Variants in TRPM2 observed in about 807,000 individuals in gnomAD.
The protein encoded by TRPM2 is transient receptor potential cation channel subfamily M member 2, also known as estrogen-responsive element-associated gene 1 protein.
Under a neutral mutation model 174.0 loss-of-function variants are expected in TRPM2, and 161 were observed. That is an observed-to-expected ratio of 0.93 (90% CI 0.81 to 1.05). TRPM2 has a LOEUF of 1.05. TRPM2 is among the 50% of genes least tolerant of loss of function. The pLI, the probability that TRPM2 is intolerant of heterozygous loss-of-function variation, is 0.00. For synonymous variants in TRPM2, 954 were observed against 861.3 expected, an observed-to-expected ratio of 1.11 and a Z score of -1.88; for missense variants, 2,057 against 2,038.0, an observed-to-expected ratio of 1.01 and a Z score of -0.18.
chr21:44,398,163 G>C lies in TRPM2; in HGVS notation c.2062+287G>C, dbSNP rs1371775870. On this transcript the variant is annotated intron_variant, in intron 13 of 31. Transcript: ENST00000397928. The stretch of plus-strand genomic sequence containing the variant: ...ACAGAGCCGGCTGAATGGGAAGCTG[G>C]AGTTTCATCACCCAAATCAGTCTCC... Among the ~76,000 whole-genome samples the C allele has an allele frequency of 5.9e-5, 9 of 151,630 alleles. No individual in the cohort carries two copies. In the East Asian group the frequency reaches 1.7e-3, roughly 29 times the overall value.
At chr21:44,400,477 T>C in intron 15 of TRPM2, 106 bp downstream of exon 15, 16 of 957,616 alleles carry the variant, frequency 1.7e-5, no homozygotes, top group Non-Finnish European at 2.5e-5. Flanking sequence ...GAGCAAGTCA[T>C]GTGTCCTCAG....
rs1354737019 is a variant in TRPM2 at position 44,403,537 on chromosome 21, CACAT to C, written c.2539-1603_2539-1600del. On this transcript the variant is annotated intron_variant, in intron 16 of 31. Coordinates refer to ENST00000397928, the MANE Select transcript of TRPM2 (RefSeq NM_003307.4). ...GTACACATGCACACAAATGCACACA[CACAT>C]AGGCACACACACATACATACATGCA... Among the ~76,000 whole-genome samples the C allele has an allele frequency of 8.6e-5, 13 of 150,532 alleles. 1 individual carries two copies. The highest frequency in any genetic ancestry group is 1.5e-5 in the Non-Finnish European group (1 of 67,836).
rs34601320 is a variant in TRPM2, at chr21:44,405,916, C to A, written c.2669C>A (p.Ala890Glu). Reference sequence around the variant, plus strand: ...TGCCCGGCGGCCAGGCTCATCCCGGCGACGCTGTACCCCGGGCGCGTCATC... The same window carrying A: ...TGCCCGGCGGCCAGGCTCATCCCGGAGACGCTGTACCCCGGGCGCGTCATC... ...VAGLTCRLIPATLYPGRVILS... is the reference protein window; with the variant it reads ...VAGLTCRLIPETLYPGRVILS... Residue 890 changes from alanine to glutamate, a missense_variant, in exon 18 of 32, where the codon GCG becomes GAG. Transcript: ENST00000397928. The A allele has an allele frequency of 6.2e-7, 1 of 1,603,470 alleles. No homozygotes were observed. The highest frequency in any genetic ancestry group is 8.5e-7 in the Non-Finnish European group (1 of 1,179,460).
Position 44,406,704 on chromosome 21 carries a change from C to G in TRPM2, c.2901C>G (p.Phe967Leu). ...ACGAGCGCCGGGTGGACTGGCTGTT[C>G]CGAGGGGCCGTCTACCACTCCTACC... Reference protein sequence around the residue: ...IHNERRVDWLFRGAVYHSYLT... With the variant: ...IHNERRVDWLLRGAVYHSYLT... Residue 967 changes from phenylalanine to leucine, a missense_variant, in exon 19 of 32, where the codon TTC (phenylalanine) becomes TTG (leucine). Coordinates refer to ENST00000397928, the MANE Select transcript of TRPM2 (RefSeq NM_003307.4). 1 of 1,609,068 alleles carries G rather than the reference C, an allele frequency of 6.2e-7. No homozygotes were observed. Among genetic ancestry groups the G allele is most frequent in the Non-Finnish European group, 8.5e-7 (1 of 1,179,184 alleles).
chr21:44,425,551 C>G, intron 24 of TRPM2, 119 bp from the exon 25 acceptor site: 1 of 1,263,018 alleles, frequency 7.9e-7, no homozygotes, highest in Non-Finnish European at 1.0e-6. Flanking sequence ...CATTTGGGCT[C>G]GGGGAGGTGG....
intron 15 of TRPM2, among the ~76,000 whole-genome samples, chr21:44,400,767 C>T (rs534237539): frequency 5.8e-4 from 89 of 152,304 alleles, no homozygotes; most frequent in East Asian, 2.1e-3. Context: ...TCCTCGCAGC[C>T]GCAGAGCCTG....
Position 44,400,369 on chromosome 21 carries a change from C to G in TRPM2, c.2319C>G (p.Phe773Leu), listed in dbSNP as rs1462134559. 1 of 1,610,432 alleles carries G rather than the reference C, an allele frequency of 6.2e-7. No homozygotes were observed. Among genetic ancestry groups the G allele is most frequent in the Admixed American group, 1.7e-5 (1 of 59,866 alleles). Residue 773 changes from phenylalanine (F) to leucine (L), a missense_variant and splice_region_variant, in exon 15 of 32, where the codon TTC (phenylalanine) becomes TTG (leucine). Physicochemically the swap from Phe to Leu is conservative, Grantham distance 22 (BLOSUM62 0). Transcript: ENST00000397928. The part of the protein sequence containing the change: ...FPLLLTGLIS[F>L]REKRLQDVGT... ...TGCTCCTCACCGGCCTCATCTCCTT[C>G]AGGTGCTGCAGGGCTGCGGGGCTGC...
chr21:44,373,553 G>A (rs1255258304), intron 5 of TRPM2, among the ~76,000 whole-genome samples: 18 of 101,880 alleles, frequency 1.8e-4, no homozygotes, highest in Middle Eastern at 4.6e-3. Context: ...CATTATATGC[G>A]ACCTGCATTA....
At chr21:44,413,269 G>A (rs959930958) in intron 19 of TRPM2, among the ~76,000 whole-genome samples, 8 of 102,250 alleles carry the variant, frequency 7.8e-5, no homozygotes, top group African/African-American at 8.1e-5. Context: ...ACAGACATTT[G>A]CTCTTGTTGC....
intron 6 of TRPM2, 120 bp from the exon 7 acceptor site, chr21:44,377,592 A>G (rs904224044): frequency 7.5e-7 from 1 of 1,337,582 alleles, no homozygotes; most frequent in Non-Finnish European, 1.1e-6. Context: ...CCCTCAGTGC[A>G]GGGTCTTGCC....
At position 44,440,845 on chromosome 21, in the gene TRPM2, G is replaced by A. The variant is rs758164757; in HGVS notation, c.4326G>A (p.Thr1442=). ...ACACGGACAATGCCTGGATCGAGAC[G>A]GTGGCCGTCAGCGTCCACTTCCAGG... is the stretch of plus-strand genomic sequence containing the variant. ...PRNTDNAWIE[T]VAVSVHFQDQ... Residue 1442 remains threonine (T), a synonymous_variant, in exon 31 of 32, where the codon ACG becomes ACA. Coordinates refer to ENST00000397928, the MANE Select transcript of TRPM2 (RefSeq NM_003307.4). 35 of 1,613,840 alleles carry A rather than the reference G, an allele frequency of 2.2e-5. No individual in the cohort carries two copies. Among genetic ancestry groups the A allele is most frequent in the Middle Eastern group, 1.6e-4 (1 of 6,084 alleles).
At chr21:44,407,880 A>T (rs2049959248) in intron 19 of TRPM2, among the ~76,000 whole-genome samples, 1 of 151,590 alleles carries the variant, frequency 6.6e-6, no homozygotes, top group Admixed American at 6.6e-5. Flanking sequence ...TTTTTAAAAA[A>T]AATTAATATT....
chr21:44,419,197 G>A (rs956405413), intron 22 of TRPM2, among the ~76,000 whole-genome samples: 2 of 152,152 alleles, frequency 1.3e-5, no homozygotes, highest in Non-Finnish European at 2.9e-5. Context: ...AGAGGAGGAG[G>A]GGGAAATGGA....
Position 44,382,753 on chromosome 21 carries a change from T to G in TRPM2, c.1251T>G (p.Thr417=). 6.2e-7 allele frequency: 1 copy of G among 1,614,114 alleles called. No homozygotes were observed. Among genetic ancestry groups the G allele is most frequent in the African/African-American group, 1.3e-5 (1 of 75,048 alleles). The change falls in exon 9 of 32, where the codon ACT becomes ACG. Residue 417 remains threonine, a synonymous_variant. Transcript: ENST00000397928. ...TCGTCCGGAGGCGGCAGCTGCTGAC[T>G]GTCTTCCGGGAAGGCAAGGATGGTC... ...QDIVRRRQLL[T]VFREGKDGQQ...
chr21:44,420,018 T>C (rs2050494589), intron 22 of TRPM2, among the ~76,000 whole-genome samples: 1 of 152,040 alleles, frequency 6.6e-6, no homozygotes, highest in African/African-American at 2.4e-5. Context: ...GCAATAGTAA[T>C]GACGATGGTG....
rs1376050620 is a variant in TRPM2, at chr21:44,376,806, A to T, written c.952+793A>T. ...TTCCTTGTGCATCGAACTCCCCTGG[A>T]GGGTTCCTCACCAGCTTGTGGGCCC... On this transcript the variant is annotated intron_variant, in intron 6 of 31. Transcript: ENST00000397928. This position sits in a 1 kb window ranked among gnomAD's most constrained non-coding sequence, Gnocchi z 4.2. Among the ~76,000 whole-genome samples the T allele has an allele frequency of 6.6e-6, 1 of 152,096 alleles. No individual in the cohort carries two copies. The highest frequency in any genetic ancestry group is 1.9e-4 in the East Asian group (1 of 5,176).
intron 19 of TRPM2, among the ~76,000 whole-genome samples, chr21:44,407,004 T>A (rs2049911862): frequency 1.3e-5 from 2 of 148,986 alleles, no homozygotes; most frequent in African/African-American, 5.0e-5. Context: ...CACGCAGAGG[T>A]CAGAGTGGGC....
chr21:44,381,323 G>A (rs1254830699), intron 8 of TRPM2, among the ~76,000 whole-genome samples: 1 of 152,012 alleles, frequency 6.6e-6, no homozygotes, highest in African/African-American at 2.4e-5. Flanking sequence ...CTGGACACAG[G>A]GGGAAGGTGC....
intron 19 of TRPM2, among the ~76,000 whole-genome samples, chr21:44,410,666 C>T (rs878897051): frequency 2.8e-5 from 2 of 70,810 alleles, no homozygotes; most frequent in Admixed American, 1.6e-4. Flanking sequence ...TCTTGGTGAG[C>T]GTAGCCTTAT....
Sources: gnomAD v4.1 joint callset for allele counts (sites outside exome capture counted in the v4.1 genomes callset) on GRCh38, gnomAD v4.1.1 for gene constraint, Gnocchi (gnomAD v3.1) non-coding constraint, MANE v1.5 for transcripts, NCBI Gene and HGNC (gene_info 2026-07-23, HGNC 2026-07-21) for gene names.